The following CIRSR variants were observed in gnomAD, a reference collection of about 807,000 sequenced individuals.
CIRSR encodes CBF1 (RBPJ) interacting corepressor 1.
the CIRSR span, chr2:174,378,945 A>G: frequency 6.8e-6 from 11 of 1,612,656 alleles, no homozygotes; most frequent in African/African-American, 1.5e-4. Flanking sequence ...TGGGAACCGA[A>G]CTTGCATTGA....
the CIRSR span, among the ~76,000 whole-genome samples, chr2:174,359,321 A>C: frequency 3.0e-5 from 4 of 132,040 alleles, no homozygotes; most frequent in African/African-American, 1.1e-4. Flanking sequence ...ATTTAAGACC[A>C]GTGCATTTTA....
the CIRSR span, among the ~76,000 whole-genome samples, chr2:174,365,377 C>A: frequency 6.6e-6 from 1 of 152,210 alleles, no homozygotes; most frequent in Non-Finnish European, 1.5e-5. Context: ...CTCTTCTGAG[C>A]CCTCCAAACT....
the CIRSR span, among the ~76,000 whole-genome samples, chr2:174,354,460 A>AT: frequency 1.1e-5 from 1 of 94,466 alleles, no homozygotes; most frequent in African/African-American, 4.3e-5. Flanking sequence ...ATAATATAAT[A>AT]TATAAAATAT....
At chr2:174,390,341 G>A in the CIRSR span, among the ~76,000 whole-genome samples, 2 of 152,234 alleles carry the variant, frequency 1.3e-5, no homozygotes, top group Non-Finnish European at 2.9e-5. Flanking sequence ...CTGCCCTATT[G>A]GATTTTGGAC....
the CIRSR span, chr2:174,352,000 G>C: frequency 3.9e-6 from 1 of 253,504 alleles, no homozygotes; most frequent in Non-Finnish European, 7.4e-6. Context: ...TATCTGGTTG[G>C]CAGTTTTTAG....
chr2:174,391,964 A>G, the CIRSR span, among the ~76,000 whole-genome samples: 1 of 152,128 alleles, frequency 6.6e-6, no homozygotes, highest in Non-Finnish European at 1.5e-5. Context: ...AGAGAGGGAG[A>G]AGAGTTAAGG....
chr2:174,359,255 T>A, the CIRSR span, among the ~76,000 whole-genome samples: 6 of 151,614 alleles, frequency 4.0e-5, no homozygotes, highest in African/African-American at 7.3e-5. Flanking sequence ...ATGCTCTGTA[T>A]CTTGTCAGGG....
chr2:174,349,157 C>A, the CIRSR span: 2 of 1,454,142 alleles, frequency 1.4e-6, no homozygotes, highest in Admixed American at 2.9e-5. Flanking sequence ...TTTTCTTCTC[C>A]AGTCGATCTA....
chr2:174,365,632 G>A, the CIRSR span, among the ~76,000 whole-genome samples: 3 of 152,198 alleles, frequency 2.0e-5, no homozygotes, highest in Non-Finnish European at 2.9e-5. Context: ...ATCTTTCATG[G>A]ATGGCAGCAG....
the CIRSR span, among the ~76,000 whole-genome samples, chr2:174,364,422 G>C: frequency 2.6e-5 from 4 of 152,168 alleles, no homozygotes; most frequent in African/African-American, 9.7e-5. Flanking sequence ...ACCATTCTGG[G>C]GTCTGCAGGA....
the CIRSR span, chr2:174,349,235 T>C: frequency 2.9e-5 from 26 of 885,102 alleles, no homozygotes; most frequent in African/African-American, 5.1e-5. Flanking sequence ...CAACTGTAAG[T>C]TATGAACAAA....
chr2:174,352,608 T>C, the CIRSR span, among the ~76,000 whole-genome samples: 1 of 152,194 alleles, frequency 6.6e-6, no homozygotes, highest in African/African-American at 2.4e-5. Flanking sequence ...TTTAAAGGTT[T>C]GCCCCCTGCC....
the CIRSR span, among the ~76,000 whole-genome samples, chr2:174,354,705 T>G: frequency 9.6e-6 from 1 of 104,268 alleles, no homozygotes; most frequent in Non-Finnish European, 1.8e-5. Context: ...ACATATATTA[T>G]ATATAATATA....
At chr2:174,381,436 C>T in the CIRSR span, among the ~76,000 whole-genome samples, 43 of 152,128 alleles carry the variant, frequency 2.8e-4, no homozygotes, top group African/African-American at 9.4e-4. Context: ...AGGTGGATCA[C>T]GAGGTCAGGA....
chr2:174,387,560 G>A, the CIRSR span: 31 of 1,039,662 alleles, frequency 3.0e-5, no homozygotes, highest in Admixed American at 7.0e-5. Flanking sequence ...TAGCCCTCAC[G>A]GAAAGACACG....
chr2:174,388,223 C>T, the CIRSR span, among the ~76,000 whole-genome samples: 1 of 152,140 alleles, frequency 6.6e-6, no homozygotes, highest in African/African-American at 2.4e-5. Flanking sequence ...ATTTTTGAGA[C>T]GAAGTCTGGC....
chr2:174,348,705 C>T, the CIRSR span: 1 of 1,614,230 alleles, frequency 6.2e-7, no homozygotes, highest in Non-Finnish European at 8.5e-7. Context: ...TTCCTCCCTG[C>T]CGTGGCTTCT....
At chr2:174,351,858 C>T in the CIRSR span, 1 of 538,716 alleles carries the variant, frequency 1.9e-6, no homozygotes, top group Non-Finnish European at 3.1e-6. Context: ...TTCTGCTGAG[C>T]AAATAATCAG....
the CIRSR span, chr2:174,369,855 A>G: frequency 2.7e-6 from 3 of 1,101,114 alleles, no homozygotes; most frequent in Non-Finnish European, 3.6e-6. Context: ...ATCACTGAGC[A>G]CAGATCACCA....
Sources: gnomAD v4.1 joint callset for allele counts (sites outside exome capture counted in the v4.1 genomes callset) on GRCh38, gnomAD v4.1.1 for gene constraint, MANE v1.5 for transcripts, NCBI Gene and HGNC (gene_info 2026-07-23, HGNC 2026-07-21) for gene names.